Variants in CPB1 observed in about 807,000 individuals in gnomAD.
CPB1 encodes carboxypeptidase B1, also known as carboxypeptidase B.
CPB1 carries 53 observed loss-of-function variants against 51.4 expected under a neutral mutation model. That is an observed-to-expected ratio of 1.03 (90% CI 0.83 to 1.30). The LOEUF (loss-of-function observed/expected upper bound fraction) is 1.30, where lower values mean the gene tolerates loss of function less well. CPB1 is among the 50% of genes most tolerant of loss of function. The pLI, the probability that CPB1 is intolerant of heterozygous loss-of-function variation, is 0.00. For synonymous variants in CPB1, 189 were observed against 186.9 expected (o/e 1.01, Z -0.09); for missense variants, 494 against 516.2 (o/e 0.96, Z 0.42).
At chr3:148,832,011 A>C (rs1712754086) in intron 2 of CPB1, among the ~76,000 whole-genome samples, 1 of 152,134 alleles carries the variant, frequency 6.6e-6, no homozygotes, top group African/African-American at 2.4e-5. Context: ...GGTCTGTGTC[A>C]CACATGCAAC....
At chr3:148,837,316 T>A (rs1029539266) in intron 3 of CPB1, among the ~76,000 whole-genome samples, 1 of 152,158 alleles carries the variant, frequency 6.6e-6, no homozygotes, top group Non-Finnish European at 1.5e-5. Context: ...CACATAGCAA[T>A]GTTCTTCAAT....
chr3:148,850,103 G>T (rs1478954840), intron 9 of CPB1, among the ~76,000 whole-genome samples: 1 of 152,142 alleles, frequency 6.6e-6, no homozygotes, highest in Non-Finnish European at 1.5e-5. Context: ...TTATGATTCT[G>T]GCCCATTCTT....
At chr3:148,851,737 G>A (rs1713438654) in intron 9 of CPB1, 1 of 152,370 alleles carries the variant, frequency 6.6e-6, no homozygotes, top group African/African-American at 2.4e-5. Flanking sequence ...GAAACTGAAA[G>A]ATGAAGTTGA....
intron 6 of CPB1, among the ~76,000 whole-genome samples, chr3:148,842,389 A>G (rs1011916580): frequency 1.3e-5 from 2 of 152,196 alleles, no homozygotes; most frequent in African/African-American, 4.8e-5. Context: ...TACACTTCAG[A>G]TTAAAAGAAA....
intron 9 of CPB1, chr3:148,854,218 C>T (rs1005793017): frequency 9.2e-5 from 14 of 152,086 alleles, no homozygotes; most frequent in African/African-American, 3.4e-4. Context: ...AGCTTGCTGC[C>T]CCAGGTGGAA....
rs186062967 is a variant in CPB1 at position 148,841,459 on chromosome 3, C to T, written c.475-364C>T. ...GTAGTAAAAATTCTTACAAGATTAG[C>T]GACAATCATGATTACTTCTAATTAC... On this transcript the variant is annotated intron_variant, in intron 5 of 10. Coordinates refer to ENST00000282957, the MANE Select transcript of CPB1 (RefSeq NM_001871.3). Among the ~76,000 whole-genome samples the T allele has an allele frequency of 2.4e-4, 37 of 152,228 alleles. No homozygotes were observed. The East Asian group carries it at 6.4e-3, about 26-fold the overall frequency.
In CPB1 at chr3:148,840,862, T is replaced by C. The variant is rs201176437; in HGVS notation, c.373-12T>C. On this transcript the variant is annotated splice_polypyrimidine_tract_variant and intron_variant, in intron 4 of 10. Coordinates refer to ENST00000282957, the MANE Select transcript of CPB1 (RefSeq NM_001871.3). ...AATGCCACATTGATCTACAAATGATTCCATTTGGTAGATAGAGGCTTGGAC... is the reference window on the plus strand; with the variant it reads ...AATGCCACATTGATCTACAAATGATCCCATTTGGTAGATAGAGGCTTGGAC... The C allele has an allele frequency of 6.2e-7, 1 of 1,612,792 alleles. No individual in the cohort carries two copies. The highest frequency in any genetic ancestry group is 2.2e-5 in the East Asian group (1 of 44,874).
In CPB1 at chr3:148,845,452, T is replaced by C; in HGVS notation, c.807T>C (p.Asp269=). Residue 269 remains aspartate, a synonymous_variant, in exon 9 of 11, where the codon GAT becomes GAC. Transcript: ENST00000282957. ...TTGGAGCCTCTCGAAACCCCTGTGA[T>C]GAAACTTACTGTGGACCTGCCGCAG... ...CEIGASRNPC[D]ETYCGPAAES... is the part of the protein sequence containing the mutation. 2 of 1,613,900 alleles carry C rather than the reference T, an allele frequency of 1.2e-6. No individual in the cohort carries two copies. Among genetic ancestry groups the C allele is most frequent in the Non-Finnish European group, 1.7e-6 (2 of 1,179,836 alleles).
chr3:148,847,367 A>G (rs1713286435), intron 9 of CPB1, among the ~76,000 whole-genome samples: 1 of 103,196 alleles, frequency 9.7e-6, no homozygotes, highest in Non-Finnish European at 1.9e-5. Context: ...TCTCCAAATC[A>G]TTCTTAAAAA....
chr3:148,843,174 A>G (rs983918360), intron 6 of CPB1, among the ~76,000 whole-genome samples: 9 of 152,190 alleles, frequency 5.9e-5, no homozygotes, highest in Non-Finnish European at 7.4e-5. Flanking sequence ...TGAAATCTGA[A>G]TAAAGTCTAC....
At position 148,844,523 on chromosome 3, in the gene CPB1, G is replaced by A. The variant is rs1059502; in HGVS notation, c.622G>A (p.Asp208Asn). ...GREIQVTELL[D>N]KLDFYVLPVL... ...TGAGATCCAAGTGACAGAGCTTCTCGACAAGTTAGACTTTTATGTCCTGCC... is the reference window on the plus strand; with the variant it reads ...TGAGATCCAAGTGACAGAGCTTCTCAACAAGTTAGACTTTTATGTCCTGCC... Residue 208 changes from aspartate (D) to asparagine (N), a missense_variant, in exon 7 of 11, where the codon GAC becomes AAC. Asp to Asn is a conservative substitution (Grantham distance 23, BLOSUM62 1). Coordinates refer to ENST00000282957, the MANE Select transcript of CPB1 (RefSeq NM_001871.3). The A allele has an allele frequency of 0.23, 374,353 of 1,612,786 alleles. 44,685 individuals carry two copies. The highest frequency in any genetic ancestry group is 0.31 in the African/African-American group (23,200 of 74,924).
At chr3:148,847,420 A>T (rs1248027292) in intron 9 of CPB1, among the ~76,000 whole-genome samples, 1 of 151,186 alleles carries the variant, frequency 6.6e-6, no homozygotes, top group Non-Finnish European at 1.5e-5. Context: ...TGCCTTTAGA[A>T]TATTATGAAT....
chr3:148,829,407 TAAACAGTCATAGAACAC>T (rs1712664399), intron 2 of CPB1, among the ~76,000 whole-genome samples: 1 of 152,222 alleles, frequency 6.6e-6, no homozygotes, highest in Non-Finnish European at 1.5e-5. Context: ...TTTAGCATCT[TAAACAGTCATAGAACAC>T]TATGAGCTTA....
In CPB1 at chr3:148,840,751, G is replaced by C. The variant is rs373982050; in HGVS notation, c.338G>C (p.Gly113Ala). The change falls in exon 4 of 11, where the codon GGA becomes GCA. Residue 113 changes from glycine (G) to alanine (A), a missense_variant. Transcript: ENST00000282957. ...AQFDSRVRAT[G>A]HSYEKYNKWE... is the part of the protein sequence containing the mutation. The stretch of plus-strand genomic sequence containing the variant: ...TTTGATAGCCGGGTTCGTGCAACAG[G>C]ACACAGTTATGAGAAGTACAACAAG... 1 of 1,614,038 alleles carries C rather than the reference G, an allele frequency of 6.2e-7. No homozygotes were observed. The highest frequency in any genetic ancestry group is 1.7e-5 in the Admixed American group (1 of 59,996).
chr3:148,845,242 T>A (rs569067106), intron 8 of CPB1, among the ~76,000 whole-genome samples, 182 bp from the exon 9 acceptor site: 1 of 152,252 alleles, frequency 6.6e-6, no homozygotes, highest in East Asian at 1.9e-4. Flanking sequence ...CTTAAAAACA[T>A]ACCATCCTAA....
intron 2 of CPB1, among the ~76,000 whole-genome samples, chr3:148,832,384 T>C (rs932427015): frequency 6.6e-6 from 1 of 151,974 alleles, no homozygotes; most frequent in Non-Finnish European, 1.5e-5. Flanking sequence ...ACCAAGAACA[T>C]CATGCAAGCA....
Position 148,845,466 on chromosome 3 carries a change from G to A in CPB1, c.821G>A (p.Gly274Glu), listed in dbSNP as rs1385769255. 17 of 1,613,660 alleles carry A rather than the reference G, an allele frequency of 1.1e-5. No individual in the cohort carries two copies. Among genetic ancestry groups the A allele is most frequent in the African/African-American group, 2.7e-5 (2 of 74,830 alleles). ...AACCCCTGTGATGAAACTTACTGTGGACCTGCCGCAGAGTCTGAAAAGGAG... is the reference window on the plus strand; with the variant it reads ...AACCCCTGTGATGAAACTTACTGTGAACCTGCCGCAGAGTCTGAAAAGGAG... ...SRNPCDETYC[G>E]PAAESEKETK... Residue 274 changes from glycine (G) to glutamate (E), a missense_variant, in exon 9 of 11, where the codon GGA becomes GAA. Coordinates refer to ENST00000282957, the MANE Select transcript of CPB1 (RefSeq NM_001871.3).
intron 2 of CPB1, among the ~76,000 whole-genome samples, chr3:148,830,982 A>G (rs554778416): frequency 2.6e-5 from 4 of 152,324 alleles, no homozygotes; most frequent in Admixed American, 6.5e-5. Context: ...GATCATTACA[A>G]GGGCATCCAG....
intron 6 of CPB1, among the ~76,000 whole-genome samples, chr3:148,844,007 C>T (rs888733522): frequency 2.6e-5 from 4 of 152,086 alleles, no homozygotes; most frequent in African/African-American, 9.7e-5. Flanking sequence ...AGATCATCTA[C>T]AGGAGGTTTT....
Sources: gnomAD v4.1 joint callset for allele counts (sites outside exome capture counted in the v4.1 genomes callset) on GRCh38, gnomAD v4.1.1 for gene constraint, MANE v1.5 for transcripts, NCBI Gene and HGNC (gene_info 2026-07-23, HGNC 2026-07-21) for gene names.